Variants in AASDH observed in about 807,000 individuals in gnomAD.
AASDH encodes beta-alanine-activating enzyme.
A neutral mutation model predicts 102.3 loss-of-function variants in AASDH; 81 were observed. That is an observed-to-expected ratio of 0.79 (90% CI 0.66 to 0.95). The LOEUF (loss-of-function observed/expected upper bound fraction) is 0.95, where lower values mean the gene tolerates loss of function less well. AASDH is among the 40% of genes least tolerant of loss of function. AASDH has a pLI of 0.00. For synonymous variants in AASDH, 398 were observed against 454.0 expected, an observed-to-expected ratio of 0.88 and a Z score of 1.57; for missense variants, 1,203 against 1,266.2, an observed-to-expected ratio of 0.95 and a Z score of 0.76.
chr4:56,377,229 GTTTCTA>G (rs1752465267), intron 4 of AASDH, among the ~76,000 whole-genome samples: 1 of 152,000 alleles, frequency 6.6e-6, no homozygotes, highest in Admixed American at 6.5e-5. Flanking sequence ...GTTTCATGAG[GTTTCTA>G]TTTCTGTTTC....
intron 5 of AASDH, among the ~76,000 whole-genome samples, chr4:56,364,901 C>A (rs1407671726): frequency 6.6e-6 from 1 of 152,100 alleles, no homozygotes; most frequent in Non-Finnish European, 1.5e-5. Flanking sequence ...GCTAAATGCT[C>A]CAGTTAAAAG....
rs567192433 is a variant in AASDH at position 56,354,882 on chromosome 4, T to C, written c.1104-71A>G. 1.8e-5 allele frequency: 23 copies of C among 1,262,870 alleles called. No homozygotes were observed. The South Asian group carries it at 3.2e-4, about 18-fold the overall frequency. The allele number at this position is 1,262,870 out of a possible 1,614,324, so 78.2% of individuals were successfully genotyped here. On this transcript the variant is annotated intron_variant, in intron 6 of 14. Transcript: ENST00000205214. ...TAGAATATTTTCCAATATATTTAAA[T>C]CATACTGTACCAAATAAAGAAAAAA...
Position 56,355,338 on chromosome 4 carries a change from G to A in AASDH, c.947C>T (p.Ala316Val). The change falls in exon 6 of 15, where the codon GCC becomes GTC. Residue 316 changes from alanine to valine, a missense_variant. Physicochemically the swap from Ala to Val is moderately conservative, Grantham distance 64. Transcript: ENST00000205214. ...LSATTSLRVLALGGEAFPSLT... is the reference protein window; with the variant it reads ...LSATTSLRVLVLGGEAFPSLT... Reference sequence around the variant, plus strand: ...TGATGGAAACGCTTCACCACCAAGGGCTAATACTCGAAGAGAAGTAGTGGC... The same window carrying A: ...TGATGGAAACGCTTCACCACCAAGGACTAATACTCGAAGAGAAGTAGTGGC... 1 of 1,614,120 alleles carries A rather than the reference G, an allele frequency of 6.2e-7. No homozygotes were observed. Among genetic ancestry groups the A allele is most frequent in the South Asian group, 1.1e-5 (1 of 91,086 alleles).
At chr4:56,360,284 T>C (rs13122196) in intron 5 of AASDH, among the ~76,000 whole-genome samples, 54,522 of 152,060 alleles carry the variant, frequency 0.36, 10,285 homozygotes, top group Non-Finnish European at 0.43. Context: ...GGAATATGCT[T>C]ATCCCACCAC....
At chr4:56,364,689 G>T (rs1750764931) in intron 5 of AASDH, among the ~76,000 whole-genome samples, 1 of 152,126 alleles carries the variant, frequency 6.6e-6, no homozygotes, top group South Asian at 2.1e-4. Flanking sequence ...GTCACCACCA[G>T]GCCTGCCCTA....
At chr4:56,356,349 C>A in intron 5 of AASDH, 1 of 1,577,346 alleles carries the variant, frequency 6.3e-7, no homozygotes, top group Non-Finnish European at 8.6e-7. Context: ...CCTCAATAAG[C>A]GGCTGAAAGT....
At chr4:56,371,903 G>T (rs1343079106) in intron 4 of AASDH, among the ~76,000 whole-genome samples, 1 of 152,062 alleles carries the variant, frequency 6.6e-6, no homozygotes, top group Non-Finnish European at 1.5e-5. Context: ...TGTCAACTTG[G>T]TTTGATTGAA....
At chr4:56,354,292 T>G (rs1749340610) in intron 7 of AASDH, 81 bp from the exon 8 acceptor site, 2 of 1,279,380 alleles carry the variant, frequency 1.6e-6, no homozygotes, top group African/African-American at 1.5e-5. Context: ...CTCCAAAAGT[T>G]CAGTGACTAA....
intron 5 of AASDH, chr4:56,356,785 G>T (rs917801962): frequency 5.4e-6 from 4 of 736,758 alleles, no homozygotes; most frequent in Non-Finnish European, 9.9e-6. Flanking sequence ...GGCTAAGCTA[G>T]TGGAAGCTAT....
Position 56,353,504 on chromosome 4 carries a change from T to C in AASDH, c.1476A>G (p.Ser492=). ...GTTCTTTAAAGATGTATTCTTTTACTGAAGCATCTTTAGACACCATGAAGA... is the reference window on the plus strand; with the variant it reads ...GTTCTTTAAAGATGTATTCTTTTACCGAAGCATCTTTAGACACCATGAAGA... ...LILFMVSKDA[S]VKEYIFKELQ... Residue 492 remains serine (S), a synonymous_variant, in exon 9 of 15, where the codon TCA becomes TCG. Coordinates refer to ENST00000205214, the MANE Select transcript of AASDH (RefSeq NM_181806.4). 6.2e-7 allele frequency: 1 copy of C among 1,613,812 alleles called. No homozygotes were observed. The highest frequency in any genetic ancestry group is 8.5e-7 in the Non-Finnish European group (1 of 1,179,844).
At chr4:56,358,894 G>A (rs900437421) in intron 5 of AASDH, among the ~76,000 whole-genome samples, 1 of 152,110 alleles carries the variant, frequency 6.6e-6, no homozygotes, top group South Asian at 2.1e-4. Flanking sequence ...ATCAATTATT[G>A]AAAGTGGGGT....
chr4:56,363,471 C>T (rs373826654), intron 5 of AASDH, among the ~76,000 whole-genome samples: 1 of 152,210 alleles, frequency 6.6e-6, no homozygotes, highest in African/African-American at 2.4e-5. Context: ...GGAGGCACCC[C>T]CAGTAGGGGC....
At chr4:56,350,165 G>T in intron 10 of AASDH, 107 bp from the exon 11 acceptor site, 3 of 1,039,090 alleles carry the variant, frequency 2.9e-6, no homozygotes, top group Non-Finnish European at 2.7e-6. Flanking sequence ...TTAATAATTA[G>T]AAATATAGGT....
At position 56,353,446 on chromosome 4, in the gene AASDH, C is replaced by T. The variant is rs769747110; in HGVS notation, c.1534G>A (p.Asp512Asn). The T allele has an allele frequency of 3.1e-6, 5 of 1,613,716 alleles. No individual in the cohort carries two copies. In the Admixed American group the frequency reaches 6.7e-5, roughly 22 times the overall value. Residue 512 changes from aspartate to asparagine, a missense_variant, in exon 9 of 15, where the codon GAT (aspartate) becomes AAT (asparagine). Physicochemically the swap from Asp to Asn is conservative, Grantham distance 23. Transcript: ENST00000205214. ...QKYLPSHAVP[D>N]ELVLIDSLPF... ...AGAGAGTCGATCAATACAAGCTCATCCGGGACTGCATGACTTGGAAGATAT... is the reference window on the plus strand; with the variant it reads ...AGAGAGTCGATCAATACAAGCTCATTCGGGACTGCATGACTTGGAAGATAT...
At chr4:56,385,531 T>C (rs1284627017) in intron 1 of AASDH, among the ~76,000 whole-genome samples, 1 of 152,178 alleles carries the variant, frequency 6.6e-6, no homozygotes, top group African/African-American at 2.4e-5. Context: ...AAGTTATTTT[T>C]TTCCCTCTCT....
chr4:56,362,811 G>A (rs1578013219), intron 5 of AASDH, among the ~76,000 whole-genome samples: 2 of 152,282 alleles, frequency 1.3e-5, no homozygotes, highest in African/African-American at 4.8e-5. Flanking sequence ...CAGCGTGAGC[G>A]ACGCAGAAGA....
At chr4:56,378,061 C>T in intron 4 of AASDH, 87 bp downstream of exon 4, 2 of 1,321,812 alleles carry the variant, frequency 1.5e-6, no homozygotes, top group African/African-American at 1.5e-5. Flanking sequence ...CCGCCTCAGC[C>T]TCCCAAAGTG....
intron 5 of AASDH, among the ~76,000 whole-genome samples, chr4:56,370,997 C>G (rs1386310767): frequency 1.3e-5 from 2 of 152,222 alleles, no homozygotes; most frequent in East Asian, 3.9e-4. Flanking sequence ...ATTTAAATAA[C>G]ATTTTAAAAG....
At chr4:56,385,513 A>G (rs1285890209) in intron 1 of AASDH, among the ~76,000 whole-genome samples, 1 of 152,212 alleles carries the variant, frequency 6.6e-6, no homozygotes, top group African/African-American at 2.4e-5. Context: ...GTGTTTCCTT[A>G]AAGGTGAAAG....
Sources: allele counts gnomAD v4.1 joint callset (sites outside exome capture counted in the v4.1 genomes callset), GRCh38; gene constraint gnomAD v4.1.1; transcripts MANE v1.5; gene names NCBI Gene and HGNC (gene_info 2026-07-23, HGNC 2026-07-21).